Variants in SLC4A4 observed in about 807,000 individuals in gnomAD.
SLC4A4 encodes electrogenic sodium bicarbonate cotransporter 1.
Under a neutral mutation model 111.5 loss-of-function variants are expected in SLC4A4, and 27 were observed. The ratio of observed to expected loss-of-function variants is 0.24; its 90% CI spans 0.18 to 0.33. The LOEUF is 0.33. Among genes scored for constraint, SLC4A4 ranks in the 10% least tolerant of loss-of-function variants. The probability of loss-of-function intolerance (pLI) is 1.00; values close to 1 mark genes in which losing one functional copy is unlikely to be tolerated. For missense variants in SLC4A4, 909 were observed against 1,315.5 expected (o/e 0.69, Z 4.78); for synonymous variants, 443 against 463.4 (o/e 0.96, Z 0.57).
intron 3 of SLC4A4, among the ~76,000 whole-genome samples, chr4:71,334,456 G>A (rs1428825925): frequency 6.6e-6 from 1 of 152,062 alleles, no homozygotes; most frequent in Non-Finnish European, 1.5e-5. Flanking sequence ...TTCTCCCAGA[G>A]CTGCACTGCT....
intron 2 of SLC4A4, among the ~76,000 whole-genome samples, chr4:71,135,733 C>T (rs1743827485): frequency 6.6e-6 from 1 of 152,112 alleles, no homozygotes; most frequent in Non-Finnish European, 1.5e-5. Context: ...AATCCAATCC[C>T]CACCACCCCA....
At chr4:71,489,652 A>C (rs944730330) in intron 15 of SLC4A4, among the ~76,000 whole-genome samples, 1 of 151,746 alleles carries the variant, frequency 6.6e-6, no homozygotes, top group East Asian at 1.9e-4. Flanking sequence ...CCATCTTCTG[A>C]GAGGCTATTG....
intron 2 of SLC4A4, among the ~76,000 whole-genome samples, chr4:71,135,531 G>A (rs571473791): frequency 6.6e-6 from 1 of 152,142 alleles, no homozygotes; most frequent in Admixed American, 6.5e-5. Flanking sequence ...CCTGACCTCA[G>A]GTGATCCATC....
chr4:71,180,781 T>G (rs1222825657), intron 2 of SLC4A4, among the ~76,000 whole-genome samples: 1 of 152,162 alleles, frequency 6.6e-6, no homozygotes, highest in East Asian at 1.9e-4. Flanking sequence ...ATTGTGGAAG[T>G]CAGTGTGGCG....
chr4:71,145,690 T>C (rs1237727470), intron 2 of SLC4A4, among the ~76,000 whole-genome samples: 1 of 152,086 alleles, frequency 6.6e-6, no homozygotes, highest in Admixed American at 6.6e-5. Context: ...GTGTATGTTT[T>C]GAGGAATTTA....
rs140811545 is a variant in SLC4A4 at position 71,151,290 on chromosome 4, A to T, written c.-2+58498A>T. Among the ~76,000 whole-genome samples, 674 of 152,188 alleles carry T rather than the reference A, an allele frequency of 4.4e-3. 3 individuals carry two copies. The highest frequency in any genetic ancestry group is 6.9e-3 in the Non-Finnish European group (470 of 67,998). ...ATGTATTCCTAATAACAAACATCTTACTCATTTTAATGACATATAGACTAT... is the reference window on the plus strand; with the variant it reads ...ATGTATTCCTAATAACAAACATCTTTCTCATTTTAATGACATATAGACTAT... On this transcript the variant is annotated intron_variant, in intron 2 of 26. Coordinates refer to the SLC4A4 transcript ENST00000649996.
At chr4:71,177,396 G>T (rs1320551420) in intron 2 of SLC4A4, among the ~76,000 whole-genome samples, 1 of 152,162 alleles carries the variant, frequency 6.6e-6, no homozygotes, top group Non-Finnish European at 1.5e-5. Context: ...ATTGGATAAA[G>T]AGTCAAGACC....
At position 71,546,516 on chromosome 4, in the gene SLC4A4, T is replaced by C; in HGVS notation, c.2609T>C (p.Phe870Ser). 6.2e-7 allele frequency: 1 copy of C among 1,612,174 alleles called. No individual in the cohort carries two copies. Among genetic ancestry groups the C allele is most frequent in the Non-Finnish European group, 8.5e-7 (1 of 1,178,834 alleles). The change falls in exon 19 of 26, where the codon TTT becomes TCT. Residue 870 changes from phenylalanine to serine, a missense_variant. Phe to Ser is a radical substitution (Grantham distance 155). Coordinates refer to ENST00000264485, the MANE Select transcript of SLC4A4 (RefSeq NM_001098484.3). Reference sequence around the variant, plus strand: ...TCTGCACCTGGAGAACAACCAAAGTTTCTAGGAGTGAGGTGTGTTAACTCA... The same window carrying C: ...TCTGCACCTGGAGAACAACCAAAGTCTCTAGGAGTGAGGTGTGTTAACTCA... ...ETSAPGEQPK[F>S]LGVREQRVTG... is the part of the protein sequence containing the mutation.
At chr4:71,151,352 T>C (rs1421933183) in intron 2 of SLC4A4, among the ~76,000 whole-genome samples, 1 of 152,208 alleles carries the variant, frequency 6.6e-6, no homozygotes, top group Non-Finnish European at 1.5e-5. Context: ...TTTAGAGTAC[T>C]GGCCTGAAGG....
intron 3 of SLC4A4, among the ~76,000 whole-genome samples, chr4:71,295,820 G>A (rs990727136): frequency 6.6e-6 from 1 of 151,968 alleles, no homozygotes; most frequent in Non-Finnish European, 1.5e-5. Context: ...CACCATGCCT[G>A]GCTAATTTTT....
intron 6 of SLC4A4, among the ~76,000 whole-genome samples, chr4:71,391,876 T>C (rs576176149): frequency 6.6e-6 from 1 of 152,212 alleles, no homozygotes; most frequent in South Asian, 2.1e-4. Flanking sequence ...AGAAGCAACA[T>C]ACTTTAGGGT....
At chr4:71,385,468 G>A (rs1200238476) in intron 6 of SLC4A4, among the ~76,000 whole-genome samples, 1 of 151,798 alleles carries the variant, frequency 6.6e-6, no homozygotes, top group African/African-American at 2.4e-5. Context: ...AAAGTGCTGG[G>A]ATTATAAGCG....
chr4:71,065,073 T>G (rs1380216376), intron 1 of SLC4A4, among the ~76,000 whole-genome samples: 6 of 152,192 alleles, frequency 3.9e-5, no homozygotes, highest in African/African-American at 1.4e-4. Context: ...TTTGAATGAC[T>G]GAACGAATGA....
At chr4:71,564,939 G>A (rs1224120272) in intron 24 of SLC4A4, among the ~76,000 whole-genome samples, 1 of 151,702 alleles carries the variant, frequency 6.6e-6, no homozygotes, top group African/African-American at 2.4e-5. Flanking sequence ...TTTGGTTCTG[G>A]CTCAGAGTCT....
chr4:71,334,909 A>G (rs1728312158), intron 3 of SLC4A4, among the ~76,000 whole-genome samples: 2 of 152,190 alleles, frequency 1.3e-5, no homozygotes, highest in Middle Eastern at 3.2e-3. Flanking sequence ...CAGGAGACCA[A>G]TTTATTTTTT....
chr4:71,436,048 C>T (rs1018842892), intron 7 of SLC4A4, among the ~76,000 whole-genome samples: 1 of 152,138 alleles, frequency 6.6e-6, no homozygotes, highest in African/African-American at 2.4e-5. Context: ...CCCAGCAATC[C>T]CATTATTGGG....
intron 12 of SLC4A4, 146 bp from the exon 13 acceptor site, chr4:71,466,298 G>C (rs1727304664): frequency 2.3e-6 from 2 of 876,562 alleles, no homozygotes; most frequent in Non-Finnish European, 1.8e-6. Flanking sequence ...ATATGCATAT[G>C]GGTAAAAGAC....
At chr4:71,426,853 C>A (rs914002182) in intron 7 of SLC4A4, among the ~76,000 whole-genome samples, 1 of 152,072 alleles carries the variant, frequency 6.6e-6, no homozygotes, top group Non-Finnish European at 1.5e-5. Flanking sequence ...AACTTCTAAT[C>A]TTTATAAAAA....
At chr4:71,416,399 A>G (rs577460384) in intron 7 of SLC4A4, among the ~76,000 whole-genome samples, 2 of 152,352 alleles carry the variant, frequency 1.3e-5, no homozygotes, top group South Asian at 2.1e-4. Context: ...AACAATTACG[A>G]CAATATTGTA....
Sources: gnomAD v4.1 joint callset for allele counts (sites outside exome capture counted in the v4.1 genomes callset) on GRCh38, gnomAD v4.1.1 for gene constraint, MANE v1.5 for transcripts, NCBI Gene and HGNC (gene_info 2026-07-23, HGNC 2026-07-21) for gene names.